Variants in TNIK observed in about 807,000 individuals in gnomAD.
TNIK encodes the protein TRAF2 and NCK interacting kinase.
A neutral mutation model predicts 191.3 loss-of-function variants in TNIK; 49 were observed. The ratio of observed to expected loss-of-function variants is 0.26; its 90% CI spans 0.20 to 0.32. The LOEUF is 0.32. Among genes scored for constraint, TNIK ranks in the 10% least tolerant of loss-of-function variants. The pLI is 1.00. For missense variants in TNIK, 1,155 were observed against 1,702.3 expected (o/e 0.68, Z 5.66); for synonymous variants, 594 against 600.9 (o/e 0.99, Z 0.17).
At chr3:171,065,697 T>G (rs1718353358) in intron 32 of TNIK, among the ~76,000 whole-genome samples, 1 of 152,224 alleles carries the variant, frequency 6.6e-6, no homozygotes, top group Admixed American at 6.5e-5. Context: ...GACATGGCAC[T>G]AGTTGAGTTT....
chr3:171,185,710 T>C (rs868689753), intron 7 of TNIK, among the ~76,000 whole-genome samples: 10 of 152,212 alleles, frequency 6.6e-5, no homozygotes, highest in Non-Finnish European at 1.0e-4. Context: ...ACCTTATACG[T>C]TGAGTTACTT....
chr3:171,434,374 C>A (rs997584399), intron 1 of TNIK, among the ~76,000 whole-genome samples: 2 of 152,122 alleles, frequency 1.3e-5, no homozygotes, highest in Non-Finnish European at 2.9e-5. Flanking sequence ...TTAGTTGATT[C>A]TCTAAGTTTT....
At chr3:171,117,213 G>A (rs1360186276) in intron 18 of TNIK, among the ~76,000 whole-genome samples, 1 of 152,200 alleles carries the variant, frequency 6.6e-6, no homozygotes, top group Non-Finnish European at 1.5e-5. Context: ...TGGTGAGAAA[G>A]GTGGGGACAA....
intron 8 of TNIK, 63 bp downstream of exon 8, chr3:171,177,263 A>C: frequency 6.5e-7 from 1 of 1,540,132 alleles, no homozygotes; most frequent in Non-Finnish European, 8.8e-7. Flanking sequence ...GCTCCTGGCA[A>C]GGAAACTTCA....
At chr3:171,072,225 C>G (rs1719277724) in intron 28 of TNIK, among the ~76,000 whole-genome samples, 1 of 152,058 alleles carries the variant, frequency 6.6e-6, no homozygotes, top group Admixed American at 6.5e-5. Context: ...CAGTCAGTTT[C>G]TTGGTAAAAT....
chr3:171,305,871 A>C (rs1753393649), intron 2 of TNIK, among the ~76,000 whole-genome samples: 1 of 152,210 alleles, frequency 6.6e-6, no homozygotes, highest in South Asian at 2.1e-4. Flanking sequence ...CTGGGTATAT[A>C]TCCAAATGAA....
At chr3:171,334,671 G>GA (rs1408884429) in intron 2 of TNIK, among the ~76,000 whole-genome samples, 19 of 151,998 alleles carry the variant, frequency 1.3e-4, no homozygotes, top group Admixed American at 7.2e-4. Context: ...TAGAGGGGGA[G>GA]AAAAAAGACT....
intron 1 of TNIK, among the ~76,000 whole-genome samples, chr3:171,459,098 TGTCTTAGTCAATACAATGAAACGGC>T (rs1729101347): frequency 6.6e-6 from 1 of 152,016 alleles, no homozygotes; most frequent in African/African-American, 2.4e-5. Flanking sequence ...ATATCAGTGA[TGTCTTAGTCAATACAATGAAACGGC>T]GTCTGAGGTA....
At chr3:171,128,160 C>A (rs1251411213) in intron 16 of TNIK, among the ~76,000 whole-genome samples, 1 of 152,214 alleles carries the variant, frequency 6.6e-6, no homozygotes, top group Admixed American at 6.5e-5. Flanking sequence ...CCCCCACCCC[C>A]AGAGTTGCTG....
Position 171,122,346 on chromosome 3 carries a change from C to T in TNIK, c.2120+1250G>A, listed in dbSNP as rs79990847. Among the ~76,000 whole-genome samples the T allele has an allele frequency of 2.5e-3, 376 of 152,300 alleles. 2 individuals are homozygous for T. In the East Asian group the frequency reaches 0.037, roughly 15 times the overall value. On this transcript the variant is annotated intron_variant, in intron 18 of 32. Transcript: ENST00000436636. ...GGGGCACTGATAAAGTTCAGGCTGGCGATCCAGCACTAACGTTCCCTTGGC... is the reference window on the plus strand; with the variant it reads ...GGGGCACTGATAAAGTTCAGGCTGGTGATCCAGCACTAACGTTCCCTTGGC...
intron 4 of TNIK, among the ~76,000 whole-genome samples, chr3:171,195,978 A>G (rs1738629185): frequency 6.6e-6 from 1 of 152,238 alleles, no homozygotes; most frequent in Admixed American, 6.5e-5. Context: ...AGCATAGATA[A>G]GAATAATAGC....
At chr3:171,172,024 G>A (rs921740299) in intron 9 of TNIK, among the ~76,000 whole-genome samples, 3 of 152,060 alleles carry the variant, frequency 2.0e-5, no homozygotes, top group Non-Finnish European at 4.4e-5. Flanking sequence ...ATACCAATAG[G>A]GAAGGAAGAA....
chr3:171,280,651 TA>T (rs5854412), intron 2 of TNIK, among the ~76,000 whole-genome samples: 66,735 of 144,058 alleles, frequency 0.46, 15,378 homozygotes, highest in Non-Finnish European at 0.5. Flanking sequence ...GTCTCTAAAT[TA>T]AAAAAAAAAA....
chr3:171,451,808 A>G (rs1236210012), intron 1 of TNIK, among the ~76,000 whole-genome samples: 4 of 152,212 alleles, frequency 2.6e-5, no homozygotes, highest in African/African-American at 9.6e-5. Context: ...TCAGGTACTG[A>G]ATGAATATAT....
At chr3:171,343,584 G>C (rs1348089878) in intron 2 of TNIK, among the ~76,000 whole-genome samples, 2 of 152,128 alleles carry the variant, frequency 1.3e-5, no homozygotes, top group Non-Finnish European at 2.9e-5. Context: ...CAGAACCTTT[G>C]TTCACTTATG....
chr3:171,081,838 T>C (rs961498161), intron 27 of TNIK, among the ~76,000 whole-genome samples: 11 of 152,152 alleles, frequency 7.2e-5, no homozygotes, highest in African/African-American at 2.7e-4. Context: ...CAGTGGGCTA[T>C]AAGCAAGAGA....
At chr3:171,315,254 C>T (rs771273019) in intron 2 of TNIK, among the ~76,000 whole-genome samples, 6 of 152,148 alleles carry the variant, frequency 3.9e-5, no homozygotes, top group East Asian at 1.9e-4. Flanking sequence ...GACAACCACA[C>T]GGGCCATTAT....
chr3:171,389,314 T>G (rs878946170), intron 1 of TNIK, among the ~76,000 whole-genome samples: 1 of 152,176 alleles, frequency 6.6e-6, no homozygotes, highest in Admixed American at 6.6e-5. Flanking sequence ...CTTAGAAAAT[T>G]TTGATACAAA....
At chr3:171,402,531 T>A (rs1721080946) in intron 1 of TNIK, among the ~76,000 whole-genome samples, 1 of 152,196 alleles carries the variant, frequency 6.6e-6, no homozygotes, top group Non-Finnish European at 1.5e-5. Flanking sequence ...AGGGAAATAC[T>A]GCTATTATTG....
Sources: allele counts gnomAD v4.1 joint callset (sites outside exome capture counted in the v4.1 genomes callset), GRCh38; gene constraint gnomAD v4.1.1; transcripts MANE v1.5; gene names NCBI Gene and HGNC (gene_info 2026-07-23, HGNC 2026-07-21).